The following TSC1 variants were observed in gnomAD, a reference collection of about 807,000 sequenced individuals.
The protein encoded by TSC1 is TSC complex subunit 1.
TSC1 carries 20 observed loss-of-function variants against 124.3 expected under a neutral mutation model. That is an observed-to-expected ratio of 0.16 (90% CI 0.11 to 0.23). The LOEUF is 0.23. Among genes scored for constraint, TSC1 ranks in the 10% least tolerant of loss-of-function variants. The pLI, the probability that TSC1 is intolerant of heterozygous loss-of-function variation, is 1.00. For missense variants in TSC1, 1,124 were observed against 1,448.5 expected (o/e 0.78, Z 3.64); for synonymous variants, 493 against 539.1 (o/e 0.91, Z 1.19).
At position 132,923,211 on chromosome 9, in the gene TSC1, C is replaced by G; in HGVS notation, c.508+137G>C. 1.6e-6 allele frequency: 2 copies of G among 1,236,886 alleles called. No individual in the cohort carries two copies. Among genetic ancestry groups the G allele is most frequent in the Non-Finnish European group, 2.2e-6 (2 of 901,348 alleles). The allele number at this position is 1,236,886 out of a possible 1,614,324, so 76.6% of individuals were successfully genotyped here. On this transcript the variant is annotated intron_variant, in intron 6 of 22. Coordinates refer to ENST00000298552, the MANE Select transcript of TSC1 (RefSeq NM_000368.5). This position sits in a 1 kb window ranked among gnomAD's most constrained non-coding sequence, Gnocchi z 4.2. ...CTGTAGTGGATGCACCCAAGATATT[C>G]CCTCATCTGTCTGGTGAAAACCACT... is the stretch of plus-strand genomic sequence containing the variant.
chr9:132,894,973 T>A lies in TSC1; in HGVS notation c.*1262A>T, dbSNP rs1293087561. On this transcript the variant is annotated 3_prime_UTR_variant, in exon 23 of 23. Transcript: ENST00000298552. ...CTGCCACTGCCAATTTTCTGACTAG[T>A]GTCATCTCTCGGGAGCACGTGGGGC... 1 of 232,020 alleles carries A rather than the reference T, an allele frequency of 4.3e-6. No individual in the cohort carries two copies. Among genetic ancestry groups the A allele is most frequent in the African/African-American group, 2.2e-5 (1 of 45,306 alleles). The allele number at this position is 232,020 out of a possible 1,614,324, so 14.4% of individuals were successfully genotyped here.
chr9:132,901,136 G>A (rs1466022977), intron 19 of TSC1, among the ~76,000 whole-genome samples: 2 of 152,188 alleles, frequency 1.3e-5, no homozygotes, highest in African/African-American at 4.8e-5. Context: ...TACCACCAAG[G>A]CCCAGTGGCA....
intron 1 of TSC1, chr9:132,939,236 A>C (rs2132453858): frequency 6.6e-6 from 1 of 152,372 alleles, no homozygotes; most frequent in South Asian, 2.1e-4. Context: ...GCATCTAAAA[A>C]GGGTAAGATA....
intron 8 of TSC1, among the ~76,000 whole-genome samples, chr9:132,917,759 G>A (rs1286663896): frequency 2.0e-5 from 3 of 152,056 alleles, no homozygotes; most frequent in Non-Finnish European, 4.4e-5. Context: ...CTATATCTCA[G>A]AAAAGTATCT....
At position 132,903,947 on chromosome 9, in the gene TSC1, G is replaced by T; in HGVS notation, c.2042-130C>A. 1 of 1,074,696 alleles carries T rather than the reference G, an allele frequency of 9.3e-7. No homozygotes were observed. Among genetic ancestry groups the T allele is most frequent in the Non-Finnish European group, 1.4e-6 (1 of 725,114 alleles). 66.6% of individuals were successfully genotyped at this position (1,074,696 alleles called of 1,614,324 possible). A position where few individuals can be genotyped will look rare whatever the true frequency, so the allele number is the denominator to read the frequency against. On this transcript the variant is annotated intron_variant, in intron 16 of 22. Transcript: ENST00000298552. The surrounding 1 kb of genome is among the most constrained non-coding windows in gnomAD (Gnocchi z 5.9). ...ACAAATCACCACTCTCTTTGCAAAT[G>T]ACCACTTGACTCCCAGCAACAGCAG...
chr9:132,903,310 T>G lies in TSC1; in HGVS notation c.2208+341A>C, dbSNP rs910325833. 6.6e-6 allele frequency among the ~76,000 whole-genome samples: 1 copy of G among 152,246 alleles called. No individual in the cohort carries two copies. The highest frequency in any genetic ancestry group is 2.1e-4 in the South Asian group (1 of 4,836). On this transcript the variant is annotated intron_variant, in intron 17 of 22. Transcript: ENST00000298552. The surrounding 1 kb of genome is among the most constrained non-coding windows in gnomAD (Gnocchi z 5.9). ...ATTCAAACTCCAGGCCTGACTGGCT[T>G]CACACCCGCTGTACAATACACGCTT...
At chr9:132,920,396 A>T (rs1464348819) in intron 8 of TSC1, among the ~76,000 whole-genome samples, 2 of 152,210 alleles carry the variant, frequency 1.3e-5, no homozygotes, top group Non-Finnish European at 2.9e-5. Context: ...GGGAGAAAAG[A>T]GGGGTTCTCC....
In TSC1 at chr9:132,891,725, T is replaced by C. The variant is rs1447222621; in HGVS notation, c.*4510A>G. The C allele has an allele frequency of 4.3e-6, 1 of 233,600 alleles. No homozygotes were observed. Among genetic ancestry groups the C allele is most frequent in the East Asian group, 6.0e-5 (1 of 16,606 alleles). The allele number at this position is 233,600 out of a possible 1,614,324, so 14.5% of individuals were successfully genotyped here. On this transcript the variant is annotated 3_prime_UTR_variant, in exon 23 of 23. Transcript: ENST00000298552. ...CTTAGCAAAATCTGTTCCTCCGTAA[T>C]ATATTTGTGGTCCATAGAAGTCTTC... is the stretch of plus-strand genomic sequence containing the variant.
Position 132,897,601 on chromosome 9 carries a change from T to C in TSC1, c.2635A>G (p.Met879Val), listed in dbSNP as rs778416424. 2 of 1,569,352 alleles carry C rather than the reference T, an allele frequency of 1.3e-6. No homozygotes were observed. The highest frequency in any genetic ancestry group is 4.0e-5 in the Admixed American group (2 of 50,018). Residue 879 changes from methionine to valine, a missense_variant, in exon 21 of 23, where the codon ATG becomes GTG. Met to Val is a conservative substitution (Grantham distance 21). This residue lies in a region of TSC1 where 325 missense variants were observed against 383.4 expected (regional missense o/e 0.85). Coordinates refer to ENST00000298552, the MANE Select transcript of TSC1 (RefSeq NM_000368.5). ...KHSDTTKEVE[M>V]MKAAYRKELE... The stretch of plus-strand genomic sequence containing the variant: ...TCTTTCCGATAGGCGGCTTTCATCA[T>C]TTCTACTTCCTGAAAAAAAAAAAAA...
At chr9:132,927,114 C>T (rs1846908733) in intron 4 of TSC1, 87 bp downstream of exon 4, 6 of 1,290,684 alleles carry the variant, frequency 4.6e-6, no homozygotes, top group Non-Finnish European at 6.6e-6. Context: ...AAAGAATAAG[C>T]TCAGGACAAG....
At chr9:132,936,012 T>C (rs1847440086) in intron 1 of TSC1, among the ~76,000 whole-genome samples, 1 of 152,222 alleles carries the variant, frequency 6.6e-6, no homozygotes, top group South Asian at 2.1e-4. Flanking sequence ...AGGAGTTATA[T>C]CCAGGGAGAG....
At chr9:132,914,505 T>C (rs1846158211) in intron 8 of TSC1, among the ~76,000 whole-genome samples, 1 of 152,130 alleles carries the variant, frequency 6.6e-6, no homozygotes, top group African/African-American at 2.4e-5. Flanking sequence ...TTGTCAAAAC[T>C]TAGCAAAATT....
chr9:132,920,673 T>A (rs1196136298), intron 8 of TSC1, among the ~76,000 whole-genome samples: 1 of 151,928 alleles, frequency 6.6e-6, no homozygotes, highest in Non-Finnish European at 1.5e-5. Flanking sequence ...ATGGGTCAGT[T>A]TCCCCAAAAA....
chr9:132,935,262 C>T (rs186537451), intron 1 of TSC1, among the ~76,000 whole-genome samples, 167 bp from the exon 2 acceptor site: 92 of 152,320 alleles, frequency 6.0e-4, no homozygotes, highest in East Asian at 5.8e-4. Flanking sequence ...TGCCTCTCCC[C>T]GTCTACATTT....
In TSC1 at chr9:132,897,615, A is replaced by AAG. The variant is rs1256355250; in HGVS notation, c.2626-6_2626-5insCT. 1.9e-6 allele frequency: 2 copies of AAG among 1,046,478 alleles called. No homozygotes were observed. Among genetic ancestry groups the AAG allele is most frequent in the Non-Finnish European group, 2.6e-6 (2 of 767,168 alleles). The allele number at this position is 1,046,478 out of a possible 1,614,324, so 64.8% of individuals were successfully genotyped here. A position where few individuals can be genotyped will look rare whatever the true frequency, so the allele number is the denominator to read the frequency against. On this transcript the variant is annotated splice_region_variant and splice_polypyrimidine_tract_variant and intron_variant, in intron 20 of 22. Transcript: ENST00000298552. Reference sequence around the variant, plus strand: ...GGCTTTCATCATTTCTACTTCCTGAAAAAAAAAAAAAAAAAAGACTGGAAT... The same window carrying AAG: ...GGCTTTCATCATTTCTACTTCCTGAAAGAAAAAAAAAAAAAAAAGACTGGAAT...
intron 15 of TSC1, among the ~76,000 whole-genome samples, chr9:132,905,050 G>A (rs1394625046): frequency 1.3e-5 from 2 of 152,166 alleles, no homozygotes; most frequent in African/African-American, 4.8e-5. Flanking sequence ...ATGGGAAACC[G>A]TTTCTCAGCT....
rs555236260 is a variant in TSC1 at position 132,926,089 on chromosome 9, C to T, written c.211-350G>A. ...TCCTGCTGGAAGCAGCCACTTATTG[C>T]TAGAGCAACCCAGCCTACATGGTTT... On this transcript the variant is annotated intron_variant, in intron 4 of 22. Transcript: ENST00000298552. The T allele has an allele frequency of 1.7e-5, 6 of 343,320 alleles. No homozygotes were observed. The Admixed American group carries it at 2.3e-4, about 13-fold the overall frequency. The allele number at this position is 343,320 out of a possible 1,614,324, so 21.3% of individuals were successfully genotyped here.
chr9:132,925,701 G>A lies in TSC1; in HGVS notation c.249C>T (p.Ala83=), dbSNP rs145783693. The A allele has an allele frequency of 3.3e-5, 54 of 1,614,042 alleles. No individual in the cohort carries two copies. In the African/African-American group the frequency reaches 4.0e-4, roughly 12 times the overall value. ...ACGAGAGGATGGATAAACGAGTGGC[G>A]GCTTTGCCCACATATTCGTTAATCC... ...LDRINEYVGK[A]ATRLSILSLL... is the part of the protein sequence containing the mutation. The change falls in exon 5 of 23, where the codon GCC becomes GCT. Residue 83 remains alanine, a synonymous_variant. Transcript: ENST00000298552.
At chr9:132,944,458 C>G (rs1847961028) in intron 1 of TSC1, 85 bp downstream of exon 1, 8 of 397,804 alleles carry the variant, frequency 2.0e-5, no homozygotes, top group Non-Finnish European at 2.7e-5. Flanking sequence ...TCCAGCCCCT[C>G]CGAGCCTCCC....
Sources: gnomAD v4.1 joint callset for allele counts (sites outside exome capture counted in the v4.1 genomes callset) on GRCh38, gnomAD v4.1.1 for gene constraint, gnomAD v4.1.1 regional missense constraint, Gnocchi (gnomAD v3.1) non-coding constraint, MANE v1.5 for transcripts, NCBI Gene and HGNC (gene_info 2026-07-23, HGNC 2026-07-21) for gene names.